Variants in ADGRD1 observed in about 807,000 individuals in gnomAD.
ADGRD1 encodes the protein adhesion G protein-coupled receptor D1.
In ADGRD1, 77 loss-of-function variants were observed where a neutral mutation model predicts 113.4. The observed-to-expected ratio is 0.68, with a 90% confidence interval of 0.57 to 0.82. The LOEUF (loss-of-function observed/expected upper bound fraction) is 0.82. Ranked by LOEUF, ADGRD1 falls within the 40% of genes least tolerant of loss-of-function variation. The pLI is 0.00. For synonymous variants in ADGRD1, 474 were observed against 475.0 expected (o/e 1.00, Z 0.03); for missense variants, 1,036 against 1,139.1 (o/e 0.91, Z 1.30).
intron 13 of ADGRD1, among the ~76,000 whole-genome samples, chr12:131,049,631 C>T (rs1317874192): frequency 2.0e-5 from 3 of 152,314 alleles, no homozygotes; most frequent in Admixed American, 6.5e-5. Context: ...ATGGGATTGC[C>T]GGCCTCCCTG....
At chr12:130,983,298 G>GT (rs1428748454) in intron 5 of ADGRD1, among the ~76,000 whole-genome samples, 1 of 152,130 alleles carries the variant, frequency 6.6e-6, no homozygotes, top group East Asian at 1.9e-4. Flanking sequence ...GGACCAGCTT[G>GT]TACCTCCACC....
In ADGRD1 at chr12:131,120,827, G is replaced by A. The variant is rs772406466; in HGVS notation, c.2109-20G>A. On this transcript the variant is annotated intron_variant, in intron 19 of 24. Coordinates refer to ENST00000261654, the MANE Select transcript of ADGRD1 (RefSeq NM_198827.5). ...GGTGGAACGAGGTTGTTGAAGTAAC[G>A]GCTCTGCTTCCCTCCGCAGTTGCTG... 1.3e-5 allele frequency: 21 copies of A among 1,613,888 alleles called. No individual in the cohort carries two copies. The African/African-American group carries it at 1.3e-4, about 10-fold the overall frequency.
rs905256120 is a variant in ADGRD1 at position 131,050,524 on chromosome 12, TGGGAAGGCCTCC to T, written c.1474-26272_1474-26261del. On this transcript the variant is annotated intron_variant, in intron 13 of 24. Coordinates refer to ENST00000261654, the MANE Select transcript of ADGRD1 (RefSeq NM_198827.5). This position sits in a 1 kb window ranked among gnomAD's most constrained non-coding sequence, Gnocchi z 4.8. ...ATGGTGCTGACCTCTGCTCAGCTTC[TGGGAAGGCCTCC>T]GGGAGCTACAGTCATGGCAGAAGGT... Among the ~76,000 whole-genome samples, 3 of 152,110 alleles carry T rather than the reference TGGGAAGGCCTCC, an allele frequency of 2.0e-5. No individual in the cohort carries two copies. The highest frequency in any genetic ancestry group is 7.2e-5 in the African/African-American group (3 of 41,412).
chr12:131,070,021 T>C (rs923752153), intron 13 of ADGRD1: 1 of 152,118 alleles, frequency 6.6e-6, no homozygotes, highest in African/African-American at 2.4e-5. Flanking sequence ...GATGTGGAGG[T>C]TCCTATTCCC....
At chr12:131,106,004 G>C in intron 17 of ADGRD1, 139 bp downstream of exon 17, 1 of 663,090 alleles carries the variant, frequency 1.5e-6, no homozygotes, top group Non-Finnish European at 2.6e-6. Context: ...TGGTTTTCTC[G>C]GGGGAAGCAG....
intron 13 of ADGRD1, among the ~76,000 whole-genome samples, chr12:131,054,292 C>T (rs1008089777): frequency 1.3e-5 from 2 of 152,336 alleles, no homozygotes; most frequent in East Asian, 3.9e-4. Context: ...TCCTTCCCAC[C>T]TCCCTCCCCT....
chr12:131,136,001 C>G, intron 21 of ADGRD1, 36 bp from the exon 22 acceptor site: 1 of 1,612,884 alleles, frequency 6.2e-7, no homozygotes, highest in Non-Finnish European at 8.5e-7. Flanking sequence ...ACCTGCCCTC[C>G]TGCCACTCAG....
intron 3 of ADGRD1, chr12:130,969,420 C>T (rs138874739): frequency 1.1e-4 from 23 of 207,968 alleles, no homozygotes; most frequent in East Asian, 8.9e-4. Flanking sequence ...CATTACCGCC[C>T]GAGCTCCACC....
Position 131,050,410 on chromosome 12 carries a change from C to T in ADGRD1, c.1474-26391C>T, listed in dbSNP as rs1364265312. The stretch of plus-strand genomic sequence containing the variant: ...GTGTTGCCCTGTGTGTTAGTCTGTT[C>T]ATTGCTATAAGAAATACCTGAGGCT... On this transcript the variant is annotated intron_variant, in intron 13 of 24. Transcript: ENST00000261654. This position sits in a 1 kb window ranked among gnomAD's most constrained non-coding sequence, Gnocchi z 4.8. Among the ~76,000 whole-genome samples, 1 of 152,100 alleles carries T rather than the reference C, an allele frequency of 6.6e-6. No homozygotes were observed. The highest frequency in any genetic ancestry group is 1.5e-5 in the Non-Finnish European group (1 of 68,026).
intron 13 of ADGRD1, among the ~76,000 whole-genome samples, chr12:131,043,722 C>T (rs1381801236): frequency 6.6e-6 from 1 of 152,230 alleles, no homozygotes; most frequent in East Asian, 1.9e-4. Flanking sequence ...GCAGAGTGCA[C>T]CCGCAGGGCT....
At chr12:131,044,439 T>C (rs539363304) in intron 13 of ADGRD1, among the ~76,000 whole-genome samples, 1 of 152,206 alleles carries the variant, frequency 6.6e-6, no homozygotes, top group Non-Finnish European at 1.5e-5. Context: ...GGACCGGTCC[T>C]GGGTGGGGTC....
chr12:131,008,652 A>G (rs1877488034), intron 12 of ADGRD1, among the ~76,000 whole-genome samples: 1 of 152,152 alleles, frequency 6.6e-6, no homozygotes, highest in Admixed American at 6.5e-5. Context: ...TTGTACCCCT[A>G]GGATCCTTTG....
chr12:131,076,747 AC>A, intron 13 of ADGRD1, 53 bp from the exon 14 acceptor site: 3 of 1,497,948 alleles, frequency 2.0e-6, no homozygotes, highest in Non-Finnish European at 2.8e-6. Flanking sequence ...AGTGCTGAGA[AC>A]CAGGGGCCTC....
At chr12:131,079,296 A>G (rs1041519909) in intron 14 of ADGRD1, among the ~76,000 whole-genome samples, 1 of 152,184 alleles carries the variant, frequency 6.6e-6, no homozygotes, top group Non-Finnish European at 1.5e-5. Context: ...TCAGAGTGGG[A>G]TCATTATGAT....
intron 13 of ADGRD1, among the ~76,000 whole-genome samples, chr12:131,042,363 CCT>C (rs1882222633): frequency 6.6e-6 from 1 of 152,226 alleles, no homozygotes; most frequent in Admixed American, 6.5e-5. Flanking sequence ...CCCCCAGCCC[CCT>C]GAGCCGCGTT....
intron 9 of ADGRD1, among the ~76,000 whole-genome samples, chr12:131,001,147 T>C (rs1013501461): frequency 3.9e-5 from 6 of 152,172 alleles, no homozygotes; most frequent in African/African-American, 1.4e-4. Context: ...ATGTTAAAAG[T>C]CACTGGATTT....
intron 13 of ADGRD1, chr12:131,024,886 G>A (rs537015422): frequency 6.6e-6 from 1 of 152,366 alleles, no homozygotes; most frequent in African/African-American, 2.4e-5. Context: ...AGGGCTCTCC[G>A]GGCCATTTTC....
intron 13 of ADGRD1, among the ~76,000 whole-genome samples, chr12:131,045,311 T>C (rs1405053074): frequency 1.3e-5 from 2 of 152,212 alleles, no homozygotes; most frequent in Non-Finnish European, 2.9e-5. Context: ...GGCGGGACAG[T>C]GTTCGGGAGG....
At chr12:130,975,559 G>A (rs1872212139) in intron 4 of ADGRD1, among the ~76,000 whole-genome samples, 1 of 152,204 alleles carries the variant, frequency 6.6e-6, no homozygotes, top group Non-Finnish European at 1.5e-5. Flanking sequence ...CTAGGAGGTA[G>A]ATCTCATGTG....
Sources: gnomAD v4.1 joint callset for allele counts (sites outside exome capture counted in the v4.1 genomes callset) on GRCh38, gnomAD v4.1.1 for gene constraint, Gnocchi (gnomAD v3.1) non-coding constraint, MANE v1.5 for transcripts, NCBI Gene and HGNC (gene_info 2026-07-23, HGNC 2026-07-21) for gene names.